TMEM178B: variants seen among roughly 807,000 people sequenced by gnomAD.
TMEM178B encodes the protein transmembrane protein 178B.
A neutral mutation model predicts 31.0 loss-of-function variants in TMEM178B; 5 were observed. That is an observed-to-expected ratio of 0.16 (90% CI 0.08 to 0.34). TMEM178B has a LOEUF of 0.34. TMEM178B is among the 10% of genes least tolerant of loss of function. The pLI is 1.00. For synonymous variants in TMEM178B, 164 were observed against 164.0 expected (o/e 1.00, Z 0.00); for missense variants, 275 against 400.3 (o/e 0.69, Z 2.67).
chr7:141,289,607 C>T (rs1342357250), intron 2 of TMEM178B, among the ~76,000 whole-genome samples: 2 of 149,514 alleles, frequency 1.3e-5, no homozygotes, highest in African/African-American at 2.5e-5. Flanking sequence ...CCCAACTATT[C>T]GGGAGGCTGA....
intron 2 of TMEM178B, among the ~76,000 whole-genome samples, chr7:141,311,404 A>G (rs1353929217): frequency 1.3e-5 from 2 of 152,244 alleles, no homozygotes; most frequent in African/African-American, 4.8e-5. Context: ...TCATCTATTT[A>G]CATGAGTGCT....
intron 2 of TMEM178B, among the ~76,000 whole-genome samples, chr7:141,289,569 G>C (rs1413972410): frequency 6.6e-6 from 1 of 152,050 alleles, no homozygotes; most frequent in East Asian, 1.9e-4. Flanking sequence ...TAAAAAATTA[G>C]CTGGGCATGA....
chr7:141,294,889 G>A (rs1798605282), intron 2 of TMEM178B, among the ~76,000 whole-genome samples: 1 of 152,192 alleles, frequency 6.6e-6, no homozygotes, highest in South Asian at 2.1e-4. Context: ...ATGCACCCTC[G>A]CCATGTGCAC....
intron 2 of TMEM178B, 136 bp downstream of exon 2, chr7:141,212,840 A>C: frequency 4.5e-6 from 3 of 671,990 alleles, no homozygotes; most frequent in Admixed American, 5.5e-5. Flanking sequence ...AAGTGCCAAT[A>C]TCTTTGGGTT....
chr7:141,145,161 T>C (rs1266455589), intron 1 of TMEM178B, among the ~76,000 whole-genome samples: 6 of 152,194 alleles, frequency 3.9e-5, no homozygotes, highest in Non-Finnish European at 8.8e-5. Flanking sequence ...CCAGGCCTGG[T>C]GGACCCTCGG....
intron 1 of TMEM178B, among the ~76,000 whole-genome samples, chr7:141,084,412 G>A (rs1406994447): frequency 5.9e-5 from 9 of 152,216 alleles, no homozygotes; most frequent in African/African-American, 2.2e-4. Context: ...TACTTGAGGT[G>A]AAAGATTTTG....
intron 2 of TMEM178B, among the ~76,000 whole-genome samples, chr7:141,325,740 A>G (rs533120206): frequency 5.9e-5 from 9 of 152,284 alleles, no homozygotes; most frequent in Non-Finnish European, 1.0e-4. Context: ...TGAGTGAATT[A>G]TGTTCAAGCC....
At chr7:141,114,714 A>G (rs925755948) in intron 1 of TMEM178B, among the ~76,000 whole-genome samples, 1 of 151,284 alleles carries the variant, frequency 6.6e-6, no homozygotes, top group East Asian at 1.9e-4. Flanking sequence ...CCAGTTTTTC[A>G]CTCCTGTTCT....
chr7:141,484,894 G>A (rs575235697), downstream of TMEM178B, among the ~76,000 whole-genome samples: 1 of 151,742 alleles, frequency 6.6e-6, no homozygotes, highest in East Asian at 1.9e-4. This position sits in a 1 kb window ranked among gnomAD's most constrained non-coding sequence, Gnocchi z 4.8. Flanking sequence ...GATCACATAG[G>A]ACTTCAAAAG....
chr7:141,178,526 A>G (rs1796468736), intron 1 of TMEM178B, among the ~76,000 whole-genome samples: 1 of 152,198 alleles, frequency 6.6e-6, no homozygotes, highest in East Asian at 1.9e-4. Context: ...GCTTAAAACA[A>G]TTTCATTGAC....
At position 141,479,225 on chromosome 7, in the gene TMEM178B, T is replaced by G. The variant is rs576654231; in HGVS notation, c.*8439T>G. 6.6e-6 allele frequency: 1 copy of G among 152,352 alleles called. No homozygotes were observed. Among genetic ancestry groups the G allele is most frequent in the African/African-American group, 2.4e-5 (1 of 41,566 alleles). 9.4% of individuals were successfully genotyped at this position (152,352 alleles called of 1,614,324 possible). A position where few individuals can be genotyped will look rare whatever the true frequency, so the allele number is the denominator to read the frequency against. ...GCCTTCTCTCTGTCAAGAACAAAGA[T>G]CTCTACAACATTTCGTCACCTGGGC... On this transcript the variant is annotated 3_prime_UTR_variant, in exon 4 of 4. Coordinates refer to ENST00000565468, the MANE Select transcript of TMEM178B (RefSeq NM_001195278.2).
chr7:141,262,474 A>AATATATATATATATATATATATATAT (rs10570183), intron 2 of TMEM178B, among the ~76,000 whole-genome samples: 113 of 131,808 alleles, frequency 8.6e-4, no homozygotes, highest in Non-Finnish European at 1.1e-3. Context: ...AAATACATAT[A>AATATATATATATATATATATATATAT]ATATATATAT....
chr7:141,327,270 A>G (rs1799208881), intron 2 of TMEM178B, among the ~76,000 whole-genome samples: 1 of 152,212 alleles, frequency 6.6e-6, no homozygotes. Context: ...AATATTGGGC[A>G]GAGAGTGTAG....
At chr7:141,489,008 A>G in the TMEM178B span, among the ~76,000 whole-genome samples, 3 of 152,236 alleles carry the variant, frequency 2.0e-5, no homozygotes, top group South Asian at 6.2e-4. Context: ...AGTAAGAAGT[A>G]GGGGGCATCT....
At chr7:141,210,283 G>A (rs1414689989) in intron 1 of TMEM178B, among the ~76,000 whole-genome samples, 2 of 152,118 alleles carry the variant, frequency 1.3e-5, no homozygotes, top group African/African-American at 4.8e-5. Flanking sequence ...TGACCAACAC[G>A]GAGAAACCCC....
chr7:141,082,562 C>T lies in TMEM178B; in HGVS notation c.382+7870C>T, dbSNP rs919925586. On this transcript the variant is annotated intron_variant, in intron 1 of 3. Coordinates refer to ENST00000565468, the MANE Select transcript of TMEM178B (RefSeq NM_001195278.2). ...ATAAACACTCATAGTCCCATCTCTC[C>T]TCCTCAATCATCCTAAAACTCAACT... 2.6e-5 allele frequency among the ~76,000 whole-genome samples: 4 copies of T among 152,262 alleles called. 1 individual carries two copies. The highest frequency in any genetic ancestry group is 4.1e-4 in the South Asian group (2 of 4,834).
chr7:141,315,434 CA>C (rs2116464602), intron 2 of TMEM178B, among the ~76,000 whole-genome samples: 1 of 152,336 alleles, frequency 6.6e-6, no homozygotes, highest in African/African-American at 2.4e-5. Flanking sequence ...TCCTGTCCCA[CA>C]CCTATGCTTT....
At chr7:141,407,430 CTT>C (rs913766225) in intron 2 of TMEM178B, among the ~76,000 whole-genome samples, 25 of 152,326 alleles carry the variant, frequency 1.6e-4, no homozygotes, top group African/African-American at 5.8e-4. Flanking sequence ...CCTGGATGTG[CTT>C]TTCCCCTCAG....
At chr7:141,421,599 C>T (rs1008279192) in intron 2 of TMEM178B, among the ~76,000 whole-genome samples, 2 of 152,118 alleles carry the variant, frequency 1.3e-5, no homozygotes, top group East Asian at 3.9e-4. Flanking sequence ...GGGGCAAGTT[C>T]CTTATGATCT....
Sources: gnomAD v4.1 joint callset for allele counts (sites outside exome capture counted in the v4.1 genomes callset) on GRCh38, gnomAD v4.1.1 for gene constraint, Gnocchi (gnomAD v3.1) non-coding constraint, MANE v1.5 for transcripts, NCBI Gene and HGNC (gene_info 2026-07-23, HGNC 2026-07-21) for gene names.